The following IQCM variants were observed in gnomAD, a reference collection of about 807,000 sequenced individuals.
IQCM encodes IQ motif containing M.
A neutral mutation model predicts 57.6 loss-of-function variants in IQCM; 45 were observed. The ratio of observed to expected loss-of-function variants is 0.78; its 90% CI spans 0.62 to 1.00. IQCM has a LOEUF of 1.00. Among genes scored for constraint, IQCM ranks in the 50% least tolerant of loss-of-function variants. The pLI, the probability that IQCM is intolerant of heterozygous loss-of-function variation, is 0.00. For synonymous variants in IQCM, 148 were observed against 158.9 expected (o/e 0.93, Z 0.51); for missense variants, 468 against 511.6 (o/e 0.91, Z 0.82).
intron 13 of IQCM, among the ~76,000 whole-genome samples, chr4:149,365,273 C>T (rs1173014016): frequency 6.6e-6 from 1 of 151,920 alleles, no homozygotes; most frequent in Non-Finnish European, 1.5e-5. Context: ...CAGGAGCCAA[C>T]CTGAAAAAGC....
chr4:149,433,505 C>G lies in IQCM; in HGVS notation c.1281G>C (p.Met427Ile). The G allele has an allele frequency of 8.3e-7, 1 of 1,203,842 alleles. No homozygotes were observed. The allele number at this position is 1,203,842 out of a possible 1,614,324, so 74.6% of individuals were successfully genotyped here. The change falls in exon 13 of 14, where the codon ATG becomes ATC. Residue 427 changes from methionine (M) to isoleucine (I), a missense_variant. Transcript: ENST00000636793. ...CTTCAGGAGGATAGAGTGTAAATAA[C>G]ATTTCAATTGCTTTGGACTTTTTGA... ...ELIKKSKAIEMLFTLYPPEGA... is the reference protein window; with the variant it reads ...ELIKKSKAIEILFTLYPPEGA...
intron 5 of IQCM, among the ~76,000 whole-genome samples, chr4:149,728,173 G>C (rs954656694): frequency 7.2e-5 from 11 of 152,178 alleles, no homozygotes; most frequent in Non-Finnish European, 1.2e-4. Context: ...TTATTTGAAA[G>C]TTCTTCCATG....
intron 12 of IQCM, among the ~76,000 whole-genome samples, chr4:149,545,420 A>G (rs987974012): frequency 6.6e-6 from 1 of 152,196 alleles, no homozygotes; most frequent in African/African-American, 2.4e-5. Context: ...ACATTTTTCC[A>G]AAGAAAATAT....
At chr4:149,398,934 T>C (rs1732424720) in intron 13 of IQCM, among the ~76,000 whole-genome samples, 1 of 152,026 alleles carries the variant, frequency 6.6e-6, no homozygotes, top group Admixed American at 6.6e-5. Flanking sequence ...AAGGTCTCAC[T>C]ATGTTGCCCA....
intron 8 of IQCM, among the ~76,000 whole-genome samples, chr4:149,590,656 G>A (rs777643351): frequency 1.3e-5 from 2 of 151,878 alleles, no homozygotes; most frequent in Admixed American, 6.6e-5. Context: ...TTGTCTCCAC[G>A]TGTTCTCATT....
At chr4:149,671,089 G>A (rs1160509976) in intron 7 of IQCM, among the ~76,000 whole-genome samples, 1 of 152,054 alleles carries the variant, frequency 6.6e-6, no homozygotes, top group Admixed American at 6.6e-5. Flanking sequence ...ACCTCTGGTG[G>A]AATTTGACTG....
chr4:149,772,580 C>T (rs1770688195), intron 2 of IQCM, among the ~76,000 whole-genome samples: 1 of 151,894 alleles, frequency 6.6e-6, no homozygotes, highest in Non-Finnish European at 1.5e-5. Context: ...GAAAGAGAAT[C>T]AAGATGACTA....
intron 13 of IQCM, among the ~76,000 whole-genome samples, chr4:149,383,903 A>G (rs1235130881): frequency 1.3e-5 from 2 of 152,124 alleles, no homozygotes; most frequent in Non-Finnish European, 2.9e-5. Flanking sequence ...CAGTGAGCCA[A>G]GATCATGCCA....
intron 13 of IQCM, among the ~76,000 whole-genome samples, chr4:149,405,414 TG>T (rs1732908177): frequency 6.9e-6 from 1 of 144,442 alleles, no homozygotes; most frequent in Admixed American, 7.1e-5. Flanking sequence ...TGTCAGGGGA[TG>T]GGGGGCTGGG....
At chr4:149,503,370 C>A (rs2149795464) in intron 12 of IQCM, among the ~76,000 whole-genome samples, 1 of 152,180 alleles carries the variant, frequency 6.6e-6, no homozygotes, top group East Asian at 1.9e-4. Flanking sequence ...CTATACATAG[C>A]AGTGATATTT....
intron 12 of IQCM, among the ~76,000 whole-genome samples, chr4:149,497,164 G>T (rs1408537398): frequency 6.6e-6 from 1 of 152,044 alleles, no homozygotes; most frequent in Non-Finnish European, 1.5e-5. Context: ...AGAATGCTCT[G>T]AGTGACCCCA....
At chr4:149,399,701 A>G (rs1236477082) in intron 13 of IQCM, among the ~76,000 whole-genome samples, 2 of 152,110 alleles carry the variant, frequency 1.3e-5, no homozygotes, top group Admixed American at 6.6e-5. Flanking sequence ...TGCCATCTTC[A>G]TGCTCTGAAT....
At chr4:149,514,766 A>T (rs1254924006) in intron 12 of IQCM, 1 of 152,270 alleles carries the variant, frequency 6.6e-6, no homozygotes, top group Non-Finnish European at 1.5e-5. Context: ...GGCAAAGGAT[A>T]TTAAGAGTCA....
At chr4:149,572,455 T>C (rs1751248269) in intron 9 of IQCM, among the ~76,000 whole-genome samples, 1 of 151,740 alleles carries the variant, frequency 6.6e-6, no homozygotes, top group South Asian at 2.1e-4. Context: ...CCTGGCTCAT[T>C]TTTCTTTTAG....
intron 7 of IQCM, among the ~76,000 whole-genome samples, chr4:149,623,694 T>A (rs1756544223): frequency 6.6e-6 from 1 of 151,952 alleles, no homozygotes; most frequent in African/African-American, 2.4e-5. Context: ...TAATGACACA[T>A]AGAAATAAAG....
chr4:149,479,247 G>A lies in IQCM; in HGVS notation c.1229-45690C>T, dbSNP rs886759772. Reference sequence around the variant, plus strand: ...ATACAGAAAGGCAACATGATGAACCGTTTATTTTCAAAAGATTCCTCTCAA... The same window carrying A: ...ATACAGAAAGGCAACATGATGAACCATTTATTTTCAAAAGATTCCTCTCAA... On this transcript the variant is annotated intron_variant, in intron 12 of 13. Transcript: ENST00000636793. 1.2e-4 allele frequency among the ~76,000 whole-genome samples: 18 copies of A among 152,210 alleles called. No individual in the cohort carries two copies. In the South Asian group the frequency reaches 1.5e-3, roughly 12 times the overall value.
intron 5 of IQCM, among the ~76,000 whole-genome samples, chr4:149,706,662 G>C (rs1024675389): frequency 1.3e-5 from 2 of 152,010 alleles, no homozygotes; most frequent in African/African-American, 4.8e-5. Flanking sequence ...TGTGAAGGTA[G>C]TAAGCTTCTA....
intron 13 of IQCM, among the ~76,000 whole-genome samples, chr4:149,374,755 C>A (rs574266902): frequency 1.3e-5 from 2 of 152,212 alleles, no homozygotes; most frequent in South Asian, 2.1e-4. Context: ...TCCTGCCAAC[C>A]TTGACCTTCC....
chr4:149,386,038 A>G (rs1182124317), intron 13 of IQCM, among the ~76,000 whole-genome samples: 1 of 152,042 alleles, frequency 6.6e-6, no homozygotes, highest in Non-Finnish European at 1.5e-5. Context: ...AAAATCCTTC[A>G]TTGGCTTCTC....
Sources: allele counts gnomAD v4.1 joint callset (sites outside exome capture counted in the v4.1 genomes callset), GRCh38; gene constraint gnomAD v4.1.1; transcripts MANE v1.5; gene names NCBI Gene and HGNC (gene_info 2026-07-23, HGNC 2026-07-21).